RABGAP1L: variants seen among roughly 807,000 people sequenced by gnomAD.
RABGAP1L encodes the protein rab GTPase-activating protein 1-like.
Under a neutral mutation model 137.7 loss-of-function variants are expected in RABGAP1L, and 63 were observed. That is an observed-to-expected ratio of 0.46 (90% confidence interval 0.37 to 0.56). The LOEUF (loss-of-function observed/expected upper bound fraction) is 0.56, where lower values mean the gene tolerates loss of function less well. Ranked by LOEUF, RABGAP1L falls within the 20% of genes least tolerant of loss-of-function variation. RABGAP1L has a pLI of 0.00. For missense variants in RABGAP1L, 1,095 were observed against 1,244.0 expected, an observed-to-expected ratio of 0.88 and a Z score of 1.80; for synonymous variants, 431 against 433.7, an observed-to-expected ratio of 0.99 and a Z score of 0.08.
At chr1:174,261,448 A>C (rs996822714) in intron 7 of RABGAP1L, among the ~76,000 whole-genome samples, 1 of 152,178 alleles carries the variant, frequency 6.6e-6, no homozygotes, top group African/African-American at 2.4e-5. Context: ...AGCACAAACT[A>C]TATAATGAGA....
Position 174,554,681 on chromosome 1 carries a change from A to G in RABGAP1L, c.1711-82694A>G, listed in dbSNP as rs559919622. ...TCAATTTTAGGCAAAGCACATTCCT[A>G]GAAGTTTAAAATTAACATTTTCTGT... On this transcript the variant is annotated intron_variant, in intron 13 of 25. Transcript: ENST00000681986. Among the ~76,000 whole-genome samples the G allele has an allele frequency of 2.0e-5, 3 of 152,328 alleles. No homozygotes were observed. The South Asian group carries it at 6.2e-4, about 32-fold the overall frequency.
At chr1:174,940,968 A>G (rs1573929280) in intron 19 of RABGAP1L, among the ~76,000 whole-genome samples, 1 of 152,202 alleles carries the variant, frequency 6.6e-6, no homozygotes, top group South Asian at 2.1e-4. Flanking sequence ...TTCTGGCTTC[A>G]GTGTATTCCT....
chr1:174,898,898 C>A (rs1220970944), intron 19 of RABGAP1L, among the ~76,000 whole-genome samples: 1 of 152,120 alleles, frequency 6.6e-6, no homozygotes, highest in Admixed American at 6.5e-5. Context: ...TACAGTCTAG[C>A]AGGCAAGATT....
At chr1:174,983,212 C>G (rs1182774499) in intron 24 of RABGAP1L, among the ~76,000 whole-genome samples, 1 of 152,094 alleles carries the variant, frequency 6.6e-6, no homozygotes, top group Admixed American at 6.6e-5. Context: ...CCCTCAGCAG[C>G]CCACATCTGA....
At chr1:174,775,493 A>T (rs1686456934) in intron 18 of RABGAP1L, among the ~76,000 whole-genome samples, 1 of 151,948 alleles carries the variant, frequency 6.6e-6, no homozygotes, top group South Asian at 2.1e-4. Context: ...TTGTGTTTTT[A>T]GTAGAGACAG....
intron 19 of RABGAP1L, among the ~76,000 whole-genome samples, chr1:174,882,459 AAG>A (rs1420574506): frequency 1.3e-5 from 2 of 152,224 alleles, no homozygotes; most frequent in Non-Finnish European, 2.9e-5. Flanking sequence ...ACAAAACTGA[AAG>A]AAAATTTGAC....
chr1:174,614,711 A>C (rs990188671), intron 13 of RABGAP1L, among the ~76,000 whole-genome samples: 77 of 152,216 alleles, frequency 5.1e-4, no homozygotes, highest in Non-Finnish European at 1.0e-3. Context: ...ACTTTCAGGT[A>C]CACCAATCAG....
At position 174,221,124 on chromosome 1, in the gene RABGAP1L, T is replaced by A. The variant is rs1202777674; in HGVS notation, c.291T>A (p.Asn97Lys). 21 of 1,613,116 alleles carry A rather than the reference T, an allele frequency of 1.3e-5. No homozygotes were observed. Among genetic ancestry groups the A allele is most frequent in the Non-Finnish European group, 1.8e-5 (21 of 1,179,424 alleles). ...GAGATATTCCAGCCAGCCAAACAAA[T>A]AAGCCATCTCTTCAGTTAATTTTGG... is the stretch of plus-strand genomic sequence containing the variant. ...SFGDIPASQT[N>K]KPSLQLILDP... The change falls in exon 3 of 26, where the codon AAT (asparagine) becomes AAA (lysine). Residue 97 changes from asparagine (N) to lysine (K), a missense_variant. Transcript: ENST00000681986.
chr1:174,622,409 G>A (rs60885521), intron 13 of RABGAP1L, among the ~76,000 whole-genome samples: 11,876 of 152,232 alleles, frequency 0.078, 643 homozygotes, highest in East Asian at 0.31. Flanking sequence ...GCACACGTAT[G>A]TTTATTGCGG....
At chr1:174,943,390 A>G (rs1666208565) in intron 19 of RABGAP1L, among the ~76,000 whole-genome samples, 2 of 151,996 alleles carry the variant, frequency 1.3e-5, no homozygotes, top group African/African-American at 4.8e-5. Context: ...TGGCTAACCT[A>G]CTCTTCAAGG....
chr1:174,330,745 T>A (rs1466464745), intron 11 of RABGAP1L, among the ~76,000 whole-genome samples: 1 of 152,150 alleles, frequency 6.6e-6, no homozygotes, highest in African/African-American at 2.4e-5. Flanking sequence ...AATTAATATT[T>A]TTAAAATGTC....
At chr1:174,427,295 A>T (rs1328998044) in intron 13 of RABGAP1L, among the ~76,000 whole-genome samples, 1 of 152,044 alleles carries the variant, frequency 6.6e-6, no homozygotes, top group Non-Finnish European at 1.5e-5. Flanking sequence ...CGATCTTCTA[A>T]TTCAGTTTTT....
intron 13 of RABGAP1L, among the ~76,000 whole-genome samples, chr1:174,542,299 A>C (rs917409408): frequency 1.3e-5 from 2 of 152,154 alleles, no homozygotes; most frequent in African/African-American, 2.4e-5. Context: ...CAGGGATTCA[A>C]CTTCTTCCTG....
At chr1:174,770,167 A>T (rs1376309558) in intron 18 of RABGAP1L, among the ~76,000 whole-genome samples, 1 of 152,160 alleles carries the variant, frequency 6.6e-6, no homozygotes, top group Admixed American at 6.5e-5. Flanking sequence ...TGGCAGTAAA[A>T]CACCACTCCT....
intron 19 of RABGAP1L, among the ~76,000 whole-genome samples, chr1:174,945,180 A>G (rs1448318392): frequency 6.6e-6 from 1 of 152,198 alleles, no homozygotes; most frequent in Non-Finnish European, 1.5e-5. Flanking sequence ...TTTTGGAACT[A>G]TATCTGTTTA....
intron 20 of RABGAP1L, 124 bp downstream of exon 20, chr1:174,957,673 T>C (rs1668681978): frequency 2.1e-6 from 2 of 955,284 alleles, no homozygotes; most frequent in Non-Finnish European, 3.3e-6. Flanking sequence ...CACTCCAGTC[T>C]CCCAAGTAGC....
intron 11 of RABGAP1L, among the ~76,000 whole-genome samples, chr1:174,334,722 G>T (rs1177880327): frequency 1.3e-5 from 2 of 152,042 alleles, no homozygotes; most frequent in Non-Finnish European, 2.9e-5. Context: ...GTCTTTCTGT[G>T]AATGCTATCT....
intron 17 of RABGAP1L, among the ~76,000 whole-genome samples, chr1:174,720,063 G>A (rs1475838939): frequency 6.6e-6 from 1 of 152,094 alleles, no homozygotes; most frequent in Non-Finnish European, 1.5e-5. Context: ...TTACTACAAA[G>A]CTATAGTAAT....
In RABGAP1L at chr1:174,854,715, C is replaced by CTTTTTTTTTTT. The variant is rs71117584; in HGVS notation, c.2340+42790_2340+42800dup. Among the ~76,000 whole-genome samples, 12 of 56,866 alleles carry CTTTTTTTTTTT rather than the reference C, an allele frequency of 2.1e-4. 1 individual carries two copies. The highest frequency in any genetic ancestry group is 5.2e-4 in the South Asian group (1 of 1,922). 37.3% of individuals were successfully genotyped at this position (56,866 alleles called of 152,430 possible). On this transcript the variant is annotated intron_variant, in intron 19 of 25. Transcript: ENST00000681986. ...AACTGCAATAGACTCAATATAAATG[C>CTTTTTTTTTTT]TTTTTTTTTTTTTTTTTTTTTTTTT...
Sources: allele counts gnomAD v4.1 joint callset (sites outside exome capture counted in the v4.1 genomes callset), GRCh38; gene constraint gnomAD v4.1.1; transcripts MANE v1.5; gene names NCBI Gene and HGNC (gene_info 2026-07-23, HGNC 2026-07-21).